The following SRRD variants were observed in gnomAD, a reference collection of about 807,000 sequenced individuals.
SRRD encodes the protein SRR1 domain containing, also known as SRR1-like protein.
In SRRD, 28 loss-of-function variants were observed where a neutral mutation model predicts 30.7. That is an observed-to-expected ratio of 0.91 (90% confidence interval 0.68 to 1.25). The LOEUF (loss-of-function observed/expected upper bound fraction) is 1.25. Among genes scored for constraint, SRRD ranks in the 50% most tolerant of loss-of-function variants. The pLI, the probability that SRRD is intolerant of heterozygous loss-of-function variation, is 0.00. For synonymous variants in SRRD, 161 were observed against 159.6 expected, an observed-to-expected ratio of 1.01 and a Z score of -0.07; for missense variants, 415 against 417.3, an observed-to-expected ratio of 0.99 and a Z score of 0.05.
In SRRD at chr22:26,487,951, T is replaced by C. The variant is rs1242149076; in HGVS notation, c.251-78T>C. On this transcript the variant is annotated intron_variant, in intron 2 of 6. Transcript: ENST00000215917. ...CCTGATCTCTTTCTCCCCAAATATG[T>C]GAACTTCTTTTGTGGATGATTTGGT... The C allele has an allele frequency of 1.0e-5, 15 of 1,487,756 alleles. No homozygotes were observed. The East Asian group carries it at 2.7e-4, about 27-fold the overall frequency. The allele number at this position is 1,487,756 out of a possible 1,614,324, so 92.2% of individuals were successfully genotyped here.
At chr22:26,487,068 T>G (rs1285105192) in intron 2 of SRRD, among the ~76,000 whole-genome samples, 1 of 152,032 alleles carries the variant, frequency 6.6e-6, no homozygotes, top group African/African-American at 2.4e-5. Context: ...ACTACAGGTG[T>G]GTGCCACTAC....
At chr22:26,490,425 A>G (rs1343960814) in intron 5 of SRRD, among the ~76,000 whole-genome samples, 2 of 151,968 alleles carry the variant, frequency 1.3e-5, no homozygotes, top group Non-Finnish European at 2.9e-5. Flanking sequence ...TGATACACAG[A>G]AATGGTTTTG....
chr22:26,486,028 A>T lies in SRRD; in HGVS notation c.215A>T (p.Asp72Val), dbSNP rs189135629. Residue 72 changes from aspartate (D) to valine (V), a missense_variant, in exon 2 of 7, where the codon GAC becomes GTC. Physicochemically the swap from Asp to Val is radical, Grantham distance 152 (BLOSUM62 -3). Transcript: ENST00000215917. ...VLRRIWEAEK[D>V]LFISDFWSSA... ...GCCATTTTTTTTCTCAACAGGAAGG[A>T]CCTGTTTATCTCTGATTTCTGGAGT... 1 of 1,614,016 alleles carries T rather than the reference A, an allele frequency of 6.2e-7. No individual in the cohort carries two copies. Among genetic ancestry groups the T allele is most frequent in the East Asian group, 2.2e-5 (1 of 44,876 alleles).
intron 2 of SRRD, among the ~76,000 whole-genome samples, chr22:26,487,631 G>A (rs1390044879): frequency 6.6e-6 from 1 of 152,220 alleles, no homozygotes. Context: ...AAAGTGCTAG[G>A]ATTACAGGCG....
rs1174137097 is a variant in SRRD at position 26,494,366 on chromosome 22, G to A, written c.*2694G>A. On this transcript the variant is annotated 3_prime_UTR_variant, in exon 7 of 7. Coordinates refer to ENST00000215917, the MANE Select transcript of SRRD (RefSeq NM_001013694.3). Reference sequence around the variant, plus strand: ...AACAAATGAAGGCAAGATTTCTGAAGTGGCCATTTGTTTTGTTTTGATCCT... The same window carrying A: ...AACAAATGAAGGCAAGATTTCTGAAATGGCCATTTGTTTTGTTTTGATCCT... The A allele has an allele frequency of 1.9e-6, 3 of 1,600,792 alleles. No homozygotes were observed. The African/African-American group carries it at 4.0e-5, about 21-fold the overall frequency.
Position 26,488,168 on chromosome 22 carries a change from G to C in SRRD, c.390G>C (p.Glu130Asp). The change falls in exon 3 of 7, where the codon GAG becomes GAC. Residue 130 changes from glutamate to aspartate, a missense_variant. Physicochemically the swap from Glu to Asp is conservative, Grantham distance 45. Transcript: ENST00000215917. ...SDVATDSIPR[E>D]ILVTGTCHLK... Reference sequence around the variant, plus strand: ...TGGCCACTGATTCTATCCCAAGAGAGATCTTGGTCACAGGAACCTGCCATT... The same window carrying C: ...TGGCCACTGATTCTATCCCAAGAGACATCTTGGTCACAGGAACCTGCCATT... 1 of 1,614,228 alleles carries C rather than the reference G, an allele frequency of 6.2e-7. No homozygotes were observed. Among genetic ancestry groups the C allele is most frequent in the Non-Finnish European group, 8.5e-7 (1 of 1,180,038 alleles).
In SRRD at chr22:26,489,904, G is replaced by T. The variant is rs1418709442; in HGVS notation, c.610-140G>T. 7.2e-6 allele frequency: 6 copies of T among 838,906 alleles called. No individual in the cohort carries two copies. In the East Asian group the frequency reaches 1.5e-4, roughly 21 times the overall value. The allele number at this position is 838,906 out of a possible 1,614,324, so 52.0% of individuals were successfully genotyped here. ...GTAACTATAGATTTCATATACGAGT[G>T]TAACTGTTCCACAAAATGAGCTTTT... On this transcript the variant is annotated intron_variant, in intron 4 of 6. Coordinates refer to ENST00000215917, the MANE Select transcript of SRRD (RefSeq NM_001013694.3).
intron 5 of SRRD, 74 bp downstream of exon 5, chr22:26,490,272 A>G (rs1436494850): frequency 6.5e-7 from 1 of 1,541,656 alleles, no homozygotes; most frequent in East Asian, 2.3e-5. Flanking sequence ...CACATGCAGA[A>G]AACATTTCCT....
intron 5 of SRRD, 133 bp from the exon 6 acceptor site, chr22:26,490,892 G>GT (rs754466740): frequency 1.2e-6 from 1 of 831,072 alleles, no homozygotes; most frequent in South Asian, 1.8e-5. Context: ...CACATCTTGA[G>GT]TTTTTTCCTG....
chr22:26,488,333 T>A (rs768775821), intron 3 of SRRD, 45 bp downstream of exon 3: 3 of 1,613,784 alleles, frequency 1.9e-6, no homozygotes, highest in Non-Finnish European at 2.5e-6. Context: ...TCTGGTCCTA[T>A]ACATGGGTGC....
intron 1 of SRRD, among the ~76,000 whole-genome samples, chr22:26,485,755 G>C (rs1236855494): frequency 6.6e-6 from 1 of 152,210 alleles, no homozygotes; most frequent in Non-Finnish European, 1.5e-5. Flanking sequence ...GCTAGGCTCT[G>C]TTGTAGACTG....
At chr22:26,484,178 G>A in intron 1 of SRRD, 79 bp downstream of exon 1, 1 of 1,359,606 alleles carries the variant, frequency 7.4e-7, no homozygotes, top group Non-Finnish European at 1.0e-6. Flanking sequence ...CTGTAGAGTG[G>A]AGATATAATG....
At chr22:26,490,838 A>T in intron 5 of SRRD, 187 bp from the exon 6 acceptor site, 1 of 576,818 alleles carries the variant, frequency 1.7e-6, no homozygotes, top group African/African-American at 1.9e-5. Context: ...TGCTGGGATT[A>T]CCTGCGCCTG....
chr22:26,494,365 A>G lies in SRRD; in HGVS notation c.*2693A>G, dbSNP rs1367895212. Reference sequence around the variant, plus strand: ...CAACAAATGAAGGCAAGATTTCTGAAGTGGCCATTTGTTTTGTTTTGATCC... The same window carrying G: ...CAACAAATGAAGGCAAGATTTCTGAGGTGGCCATTTGTTTTGTTTTGATCC... On this transcript the variant is annotated 3_prime_UTR_variant, in exon 7 of 7. Coordinates refer to ENST00000215917, the MANE Select transcript of SRRD (RefSeq NM_001013694.3). The G allele has an allele frequency of 1.2e-6, 2 of 1,602,562 alleles. No homozygotes were observed. The highest frequency in any genetic ancestry group is 1.7e-6 in the Non-Finnish European group (2 of 1,170,212).
At chr22:26,490,559 C>CTTTTGTTTTTTTTTTTTTTT (rs1921026177) in intron 5 of SRRD, among the ~76,000 whole-genome samples, 1 of 51,834 alleles carries the variant, frequency 1.9e-5, no homozygotes, top group Non-Finnish European at 3.4e-5. Context: ...GGAATATTTG[C>CTTTTGTTTTTTTTTTTTTTT]TTTTTTTTTT....
In SRRD at chr22:26,485,995, A is replaced by G. The variant is rs750563732; in HGVS notation, c.210-28A>G. 3.7e-6 allele frequency: 6 copies of G among 1,614,066 alleles called. No homozygotes were observed. In the East Asian group the frequency reaches 1.3e-4, roughly 36 times the overall value. ...GGGGCAGCCCTGAGATGGGTGGGAC[A>G]TGACTGTGCCATTTTTTTTCTCAAC... On this transcript the variant is annotated intron_variant, in intron 1 of 6. Coordinates refer to ENST00000215917, the MANE Select transcript of SRRD (RefSeq NM_001013694.3).
chr22:26,489,421 CAGG>C (rs2091731850), intron 4 of SRRD, among the ~76,000 whole-genome samples: 1 of 151,972 alleles, frequency 6.6e-6, no homozygotes, highest in Non-Finnish European at 1.5e-5. Context: ...GAAGGTCTAC[CAGG>C]AGTTTGCTAG....
intron 6 of SRRD, 54 bp from the exon 7 acceptor site, chr22:26,491,409 A>G: frequency 7.5e-7 from 1 of 1,332,504 alleles, no homozygotes; most frequent in Non-Finnish European, 1.1e-6. Flanking sequence ...ATCCCAGAAG[A>G]GTGGGGATTA....
In SRRD at chr22:26,492,058, C is replaced by T. The variant is rs34981548; in HGVS notation, c.*386C>T. The T allele has an allele frequency of 2.4e-3, 3,813 of 1,609,042 alleles. 50 individuals are homozygous for T. In the Admixed American group the frequency reaches 0.026, roughly 11 times the overall value. On this transcript the variant is annotated 3_prime_UTR_variant, in exon 7 of 7. Coordinates refer to ENST00000215917, the MANE Select transcript of SRRD (RefSeq NM_001013694.3). ...GGCTCTGCAGTGAGGTGGGCACCCA[C>T]GTCTTCTCGCCCTGGACAAAGACCA...
Sources: gnomAD v4.1 joint callset for allele counts (sites outside exome capture counted in the v4.1 genomes callset) on GRCh38, gnomAD v4.1.1 for gene constraint, MANE v1.5 for transcripts, NCBI Gene and HGNC (gene_info 2026-07-23, HGNC 2026-07-21) for gene names.